The following MACF1 variants were observed in gnomAD, a reference collection of about 807,000 sequenced individuals.
MACF1 encodes microtubule actin crosslinking factor 1.
Under a neutral mutation model 854.8 loss-of-function variants are expected in MACF1, and 193 were observed. The ratio of observed to expected loss-of-function variants is 0.23; its 90% CI spans 0.20 to 0.25. The LOEUF (loss-of-function observed/expected upper bound fraction) is 0.25. Among genes scored for constraint, MACF1 ranks in the 10% least tolerant of loss-of-function variants. MACF1 has a pLI of 1.00. For missense variants in MACF1, 7,722 were observed against 8,929.1 expected (o/e 0.86, Z 5.45); for synonymous variants, 3,185 against 3,226.7 (o/e 0.99, Z 0.44).
chr1:39,409,564 C>G lies in MACF1; in HGVS notation c.15817-12810C>G, dbSNP rs984113451. ...TCCGAAGGCCTGGCGCGGGGCTCCG[C>G]TCGCCTTGTTTTGCAGCTACAGCGC... On this transcript the variant is annotated intron_variant, in intron 58 of 100. Transcript: ENST00000564288. The surrounding 1 kb of genome is among the most constrained non-coding windows in gnomAD (Gnocchi z 4.2). 3.3e-5 allele frequency: 5 copies of G among 152,462 alleles called. No individual in the cohort carries two copies. The highest frequency in any genetic ancestry group is 3.3e-4 in the Admixed American group (5 of 15,300). The allele number at this position is 152,462 out of a possible 1,614,324, so 9.4% of individuals were successfully genotyped here. A position where few individuals can be genotyped will look rare whatever the true frequency, so the allele number is the denominator to read the frequency against.
intron 2 of MACF1, among the ~76,000 whole-genome samples, chr1:39,235,154 C>T (rs983445245): frequency 2.0e-5 from 3 of 152,218 alleles, no homozygotes; most frequent in South Asian, 2.1e-4. Context: ...CCAAGGCAGG[C>T]GGCTGGGAGG....
intron 88 of MACF1, among the ~76,000 whole-genome samples, chr1:39,454,459 G>T (rs558327263): frequency 3.2e-4 from 48 of 152,206 alleles, no homozygotes; most frequent in Admixed American, 5.9e-4. Flanking sequence ...GTTGTCACTG[G>T]GGTAATAGTG....
At chr1:39,308,264 G>T (rs555911506) in intron 23 of MACF1, among the ~76,000 whole-genome samples, 1 of 152,116 alleles carries the variant, frequency 6.6e-6, no homozygotes, top group Non-Finnish European at 1.5e-5. Flanking sequence ...ATTCCCATTT[G>T]TTGAATGTTG....
chr1:39,386,287 G>A (rs1169054936), intron 57 of MACF1, among the ~76,000 whole-genome samples: 9 of 148,880 alleles, frequency 6.0e-5, no homozygotes. Flanking sequence ...CACACACACG[G>A]TCTCGCTCTG....
chr1:39,434,052 C>G (rs192901934), intron 68 of MACF1, among the ~76,000 whole-genome samples: 1 of 152,142 alleles, frequency 6.6e-6, no homozygotes, highest in African/African-American at 2.4e-5. Context: ...TGCACTCCAG[C>G]CTAGGTGACA....
intron 2 of MACF1, among the ~76,000 whole-genome samples, chr1:39,198,009 G>A (rs1315369589): frequency 6.6e-6 from 1 of 151,598 alleles, no homozygotes; most frequent in Non-Finnish European, 1.5e-5. Flanking sequence ...ACCAGCCTGG[G>A]AAACATGGCA....
At chr1:39,445,788 A>C (rs1301922117) in intron 80 of MACF1, among the ~76,000 whole-genome samples, 1 of 152,090 alleles carries the variant, frequency 6.6e-6, no homozygotes, top group East Asian at 1.9e-4. Context: ...GCAAGACCCC[A>C]TCTCTACAAA....
chr1:39,327,425 CAG>C, intron 36 of MACF1, 72 bp downstream of exon 36: 1 of 1,454,496 alleles, frequency 6.9e-7, no homozygotes, highest in Non-Finnish European at 9.3e-7. Context: ...TTTGCTGATT[CAG>C]AGTCATGATC....
chr1:39,174,779 A>C (rs1024305009), intron 2 of MACF1, among the ~76,000 whole-genome samples: 1 of 152,212 alleles, frequency 6.6e-6, no homozygotes. Context: ...TGATCCTCCA[A>C]ATTTACAGTA....
rs187140238 is a variant in MACF1 at position 39,422,062 on chromosome 1, G to A, written c.15817-312G>A. On this transcript the variant is annotated intron_variant, in intron 58 of 100. Coordinates refer to ENST00000564288, the MANE Select transcript of MACF1 (RefSeq NM_001394062.1). ...TGCACTCCAGCCTGGGCGACAGAGC[G>A]AGACTCTGTCTCCAAAAAAAACAAA... is the stretch of plus-strand genomic sequence containing the variant. Among the ~76,000 whole-genome samples the A allele has an allele frequency of 3.1e-3, 469 of 151,906 alleles. 3 individuals carry two copies. Among genetic ancestry groups the A allele is most frequent in the Admixed American group, 5.3e-3 (81 of 15,252 alleles).
At chr1:39,477,129 T>TACAC (rs1271205887) in intron 97 of MACF1, among the ~76,000 whole-genome samples, 363 of 30,324 alleles carry the variant, frequency 0.012, 21 homozygotes, top group African/African-American at 0.033. Flanking sequence ...TATATATATA[T>TACAC]ATATATACAC....
chr1:39,311,803 T>C (rs891924329), intron 26 of MACF1, among the ~76,000 whole-genome samples: 4 of 152,184 alleles, frequency 2.6e-5, no homozygotes, highest in Non-Finnish European at 5.9e-5. Flanking sequence ...TTCTAGAACA[T>C]TTCTAATTAG....
At chr1:39,170,531 G>C (rs1242202928) in intron 2 of MACF1, among the ~76,000 whole-genome samples, 1 of 152,220 alleles carries the variant, frequency 6.6e-6, no homozygotes, top group African/African-American at 2.4e-5. Flanking sequence ...AACAGAATTT[G>C]TGGAAGCCAG....
intron 82 of MACF1, 36 bp downstream of exon 82, chr1:39,447,934 A>G: frequency 6.2e-7 from 1 of 1,612,532 alleles, no homozygotes; most frequent in Non-Finnish European, 8.5e-7. Flanking sequence ...TTCACTGAAG[A>G]GTCTTGGGCT....
At chr1:39,147,552 C>G (rs12063189) in intron 2 of MACF1, among the ~76,000 whole-genome samples, 4,661 of 149,598 alleles carry the variant, frequency 0.031, 230 homozygotes, top group African/African-American at 0.11. Flanking sequence ...CAGGGTCTTG[C>G]TCTGTTGCCC....
upstream of MACF1, among the ~76,000 whole-genome samples, chr1:39,204,060 G>A (rs1324738505): frequency 6.6e-6 from 1 of 152,032 alleles, no homozygotes; most frequent in Non-Finnish European, 1.5e-5. Context: ...GATTGCTTGA[G>A]GTCAGGAGTT....
intron 88 of MACF1, 25 bp downstream of exon 88, chr1:39,453,875 C>G (rs780416675): frequency 2.5e-6 from 4 of 1,613,430 alleles, no homozygotes; most frequent in Non-Finnish European, 3.4e-6. Context: ...CAGAGGAGGA[C>G]TGCACACGCC....
intron 5 of MACF1, among the ~76,000 whole-genome samples, chr1:39,255,853 G>A (rs1292678249): frequency 6.6e-6 from 1 of 152,170 alleles, no homozygotes; most frequent in Non-Finnish European, 1.5e-5. Flanking sequence ...GGCCTTACTG[G>A]CAGGGTTTAT....
intron 44 of MACF1, among the ~76,000 whole-genome samples, chr1:39,354,033 T>C (rs1455611536): frequency 1.3e-5 from 2 of 152,316 alleles, no homozygotes; most frequent in East Asian, 3.9e-4. Context: ...TAGCCCTTTT[T>C]ATGGTTCCCT....
Sources: allele counts gnomAD v4.1 joint callset (sites outside exome capture counted in the v4.1 genomes callset), GRCh38; gene constraint gnomAD v4.1.1; non-coding constraint Gnocchi (gnomAD v3.1); transcripts MANE v1.5; gene names NCBI Gene and HGNC (gene_info 2026-07-23, HGNC 2026-07-21).